Variants in MRAP2 observed in about 807,000 individuals in gnomAD.
MRAP2 encodes melanocortin-2 receptor accessory protein 2.
Under a neutral mutation model 17.4 loss-of-function variants are expected in MRAP2, and 20 were observed. The ratio of observed to expected loss-of-function variants is 1.15; its 90% CI spans 0.81 to 1.67. The LOEUF (loss-of-function observed/expected upper bound fraction) is 1.67, where lower values mean the gene tolerates loss of function less well. MRAP2 is among the 40% of genes most tolerant of loss of function. MRAP2 has a pLI of 0.00. For missense variants in MRAP2, 238 were observed against 240.0 expected, an observed-to-expected ratio of 0.99 and a Z score of 0.05; for synonymous variants, 96 against 88.4, an observed-to-expected ratio of 1.09 and a Z score of -0.48.
the MRAP2 span, among the ~76,000 whole-genome samples, chr6:84,096,601 TA>T: frequency 6.6e-6 from 1 of 152,154 alleles, no homozygotes; most frequent in Non-Finnish European, 1.5e-5. Context: ...TTGTGTTCCA[TA>T]AAAGCCTGAA....
the MRAP2 span, among the ~76,000 whole-genome samples, chr6:84,097,815 A>C: frequency 1.3e-5 from 2 of 152,160 alleles, no homozygotes; most frequent in African/African-American, 4.8e-5. Context: ...TATATGAAAA[A>C]TCCATTGATA....
At chr6:84,111,536 A>G in the MRAP2 span, among the ~76,000 whole-genome samples, 1 of 152,218 alleles carries the variant, frequency 6.6e-6, no homozygotes, top group South Asian at 2.1e-4. Flanking sequence ...ATATACAATC[A>G]TGTCATCTGC....
intron 3 of MRAP2, among the ~76,000 whole-genome samples, chr6:84,069,821 A>C (rs937242562): frequency 1.3e-5 from 2 of 151,878 alleles, no homozygotes; most frequent in African/African-American, 4.8e-5. Flanking sequence ...TTAAGCTAGG[A>C]GGGTTGTATT....
chr6:84,102,507 G>A, the MRAP2 span, among the ~76,000 whole-genome samples: 2 of 152,196 alleles, frequency 1.3e-5, no homozygotes, highest in Non-Finnish European at 2.9e-5. Flanking sequence ...AGCTGGAAAA[G>A]GCAAGAAAAC....
downstream of MRAP2, chr6:84,090,917 C>A (rs1282604026): frequency 6.6e-6 from 1 of 152,162 alleles, no homozygotes; most frequent in African/African-American, 2.4e-5. Context: ...TTCACACATC[C>A]AATTTTTTGT....
chr6:84,099,720 G>A, the MRAP2 span, among the ~76,000 whole-genome samples: 1 of 152,170 alleles, frequency 6.6e-6, no homozygotes, highest in Non-Finnish European at 1.5e-5. Flanking sequence ...GCAGATGCTG[G>A]TGCCACACTT....
chr6:84,127,596 TGACTA>T, the MRAP2 span, among the ~76,000 whole-genome samples: 1 of 152,160 alleles, frequency 6.6e-6, no homozygotes, highest in South Asian at 2.1e-4. Flanking sequence ...AAAAAACTAA[TGACTA>T]AACTAAGAAA....
chr6:84,065,545 C>T (rs747408122), intron 3 of MRAP2, among the ~76,000 whole-genome samples: 10 of 152,102 alleles, frequency 6.6e-5, no homozygotes. Flanking sequence ...AGGCACAACT[C>T]GTAGAGTGGT....
downstream of MRAP2, among the ~76,000 whole-genome samples, chr6:84,095,604 G>T (rs1024991084): frequency 1.3e-5 from 2 of 152,158 alleles, no homozygotes; most frequent in African/African-American, 4.8e-5. Flanking sequence ...CCAAGACTTT[G>T]CCAAAATATA....
At chr6:84,108,019 G>A in the MRAP2 span, among the ~76,000 whole-genome samples, 1 of 152,214 alleles carries the variant, frequency 6.6e-6, no homozygotes, top group Non-Finnish European at 1.5e-5. Context: ...GGGCTATCAA[G>A]ATATTTCCCA....
At chr6:84,113,815 A>G in the MRAP2 span, among the ~76,000 whole-genome samples, 1 of 152,184 alleles carries the variant, frequency 6.6e-6, no homozygotes, top group African/African-American at 2.4e-5. Flanking sequence ...GCTTGTCTGT[A>G]AAGGATTTCA....
At chr6:84,070,308 G>T (rs929052545) in intron 3 of MRAP2, among the ~76,000 whole-genome samples, 17 of 152,100 alleles carry the variant, frequency 1.1e-4, no homozygotes, top group African/African-American at 4.1e-4. Context: ...TTGTGTTTCA[G>T]TTTGAAGAAT....
At position 84,062,944 on chromosome 6, in the gene MRAP2, T is replaced by C. The variant is rs2099493563; in HGVS notation, c.179T>C (p.Met60Thr). 2.5e-6 allele frequency: 4 copies of C among 1,614,220 alleles called. No homozygotes were observed. The highest frequency in any genetic ancestry group is 3.4e-6 in the Non-Finnish European group (4 of 1,180,042). ...WVGLAVFVIFMFFVLTLLTKT... is the reference protein window; with the variant it reads ...WVGLAVFVIFTFFVLTLLTKT... Reference sequence around the variant, plus strand: ...GGTCTTGCAGTCTTCGTGATTTTTATGTTTTTTGTGCTGACCTTGCTGACC... The same window carrying C: ...GGTCTTGCAGTCTTCGTGATTTTTACGTTTTTTGTGCTGACCTTGCTGACC... Residue 60 changes from methionine (M) to threonine (T), a missense_variant, in exon 3 of 4, where the codon ATG (methionine) becomes ACG (threonine). Met to Thr is a moderately conservative substitution (Grantham distance 81, BLOSUM62 -1). Coordinates refer to ENST00000257776, the MANE Select transcript of MRAP2 (RefSeq NM_138409.4).
At chr6:84,097,946 T>C in the MRAP2 span, among the ~76,000 whole-genome samples, 4 of 152,216 alleles carry the variant, frequency 2.6e-5, no homozygotes, top group African/African-American at 4.8e-5. Flanking sequence ...CTGAATTGCA[T>C]TTTTAAAATA....
At chr6:84,076,084 T>TG (rs2099497526) in intron 3 of MRAP2, among the ~76,000 whole-genome samples, 1 of 151,980 alleles carries the variant, frequency 6.6e-6, no homozygotes, top group South Asian at 2.1e-4. Context: ...TCTTTTGAGA[T>TG]GGGGTCTCAC....
the MRAP2 span, among the ~76,000 whole-genome samples, chr6:84,118,005 C>G: frequency 1.3e-5 from 2 of 152,192 alleles, no homozygotes; most frequent in Non-Finnish European, 2.9e-5. Flanking sequence ...TTTGGTGGAA[C>G]AGTTGTGCTG....
At chr6:84,037,499 T>A (rs2099486424) in intron 1 of MRAP2, among the ~76,000 whole-genome samples, 1 of 152,184 alleles carries the variant, frequency 6.6e-6, no homozygotes, top group East Asian at 1.9e-4. Flanking sequence ...CCTTGGGCGG[T>A]TGATGGGACC....
At chr6:84,041,844 G>A (rs2099487680) in intron 1 of MRAP2, among the ~76,000 whole-genome samples, 1 of 152,204 alleles carries the variant, frequency 6.6e-6, no homozygotes, top group African/African-American at 2.4e-5. Context: ...GAGTTGCCTT[G>A]TCTCAGGTGA....
At chr6:84,060,921 G>A (rs2129166916) in intron 2 of MRAP2, among the ~76,000 whole-genome samples, 1 of 132,610 alleles carries the variant, frequency 7.5e-6, no homozygotes, top group Non-Finnish European at 1.5e-5. Context: ...GGATGGTTTT[G>A]ATCTCCTGAC....
Sources: allele counts gnomAD v4.1 joint callset (sites outside exome capture counted in the v4.1 genomes callset), GRCh38; gene constraint gnomAD v4.1.1; transcripts MANE v1.5; gene names NCBI Gene and HGNC (gene_info 2026-07-23, HGNC 2026-07-21).